MAP2K4: variants seen among roughly 807,000 people sequenced by gnomAD.
MAP2K4 encodes the protein mitogen-activated protein kinase kinase 4.
A neutral mutation model predicts 48.5 loss-of-function variants in MAP2K4; 4 were observed. The ratio of observed to expected loss-of-function variants is 0.08; its 90% CI spans 0.04 to 0.19. The LOEUF (loss-of-function observed/expected upper bound fraction) is 0.19. Ranked by LOEUF, MAP2K4 falls within the 10% of genes least tolerant of loss-of-function variation. MAP2K4 has a pLI of 1.00. For synonymous variants in MAP2K4, 166 were observed against 173.1 expected, an observed-to-expected ratio of 0.96 and a Z score of 0.32; for missense variants, 258 against 493.3, an observed-to-expected ratio of 0.52 and a Z score of 4.52.
At chr17:12,120,495 A>T (rs1972651361) in intron 7 of MAP2K4, among the ~76,000 whole-genome samples, 1 of 151,478 alleles carries the variant, frequency 6.6e-6, no homozygotes, top group African/African-American at 2.4e-5. Context: ...GAAAAAAACT[A>T]AAAAAAGTTT....
chr17:12,068,918 G>T (rs985131861), intron 2 of MAP2K4, among the ~76,000 whole-genome samples: 1 of 152,066 alleles, frequency 6.6e-6, no homozygotes, highest in African/African-American at 2.4e-5. Flanking sequence ...TAGATGAAAG[G>T]GTTGCCTAGG....
At chr17:12,107,979 G>T in intron 5 of MAP2K4, 70 bp downstream of exon 5, 1 of 1,314,764 alleles carries the variant, frequency 7.6e-7, no homozygotes. Flanking sequence ...AGTTTTGAAT[G>T]CACATATTTG....
intron 4 of MAP2K4, among the ~76,000 whole-genome samples, chr17:12,096,311 T>A (rs1241371840): frequency 6.6e-6 from 1 of 152,174 alleles, no homozygotes; most frequent in African/African-American, 2.4e-5. Flanking sequence ...TTTCTTCTTT[T>A]GGCCTCTGGT....
At chr17:12,044,954 A>T (rs2151519028) in intron 1 of MAP2K4, among the ~76,000 whole-genome samples, 1 of 152,368 alleles carries the variant, frequency 6.6e-6, no homozygotes, top group East Asian at 1.9e-4. Context: ...CACCTTGGAA[A>T]TTCCAAGAAT....
At chr17:12,101,530 A>G (rs1971934991) in intron 4 of MAP2K4, among the ~76,000 whole-genome samples, 1 of 151,980 alleles carries the variant, frequency 6.6e-6, no homozygotes, top group South Asian at 2.1e-4. Flanking sequence ...GTCGATTTCT[A>G]CCAAAAAACC....
chr17:12,114,175 T>G (rs1972402053), intron 7 of MAP2K4, among the ~76,000 whole-genome samples: 1 of 152,172 alleles, frequency 6.6e-6, no homozygotes, highest in Non-Finnish European at 1.5e-5. Flanking sequence ...TGTTCTTTCT[T>G]GGTTTCCTCC....
In MAP2K4 at chr17:12,143,075, C is replaced by T. The variant is rs557978166; in HGVS notation, c.*1815C>T. 3 of 233,048 alleles carry T rather than the reference C, an allele frequency of 1.3e-5. No homozygotes were observed. In the South Asian group the frequency reaches 5.4e-4, roughly 42 times the overall value. The allele number at this position is 233,048 out of a possible 1,614,324, so 14.4% of individuals were successfully genotyped here. A position where few individuals can be genotyped will look rare whatever the true frequency, so the allele number is the denominator to read the frequency against. On this transcript the variant is annotated 3_prime_UTR_variant, in exon 11 of 11. Transcript: ENST00000353533. The stretch of plus-strand genomic sequence containing the variant: ...TCTACTTGCCTCATTTCCCTATCTT[C>T]TCCCCCACGGTATCCTAAACTTTAG...
In MAP2K4 at chr17:12,141,825, G is replaced by A. The variant is rs546555189; in HGVS notation, c.*565G>A. 7.3e-5 allele frequency: 17 copies of A among 233,756 alleles called. No homozygotes were observed. The South Asian group carries it at 3.1e-3, about 42-fold the overall frequency. The allele number at this position is 233,756 out of a possible 1,614,324, so 14.5% of individuals were successfully genotyped here. ...CTTTACAGTTACAGTTGATGTTTGG[G>A]GATCGATGTGCTCAGCCAAATTTCC... On this transcript the variant is annotated 3_prime_UTR_variant, in exon 11 of 11. Transcript: ENST00000353533.
rs114771296 is a variant in MAP2K4, at chr17:12,071,257, A to G, written c.219-10099A>G. On this transcript the variant is annotated intron_variant, in intron 2 of 10. Coordinates refer to ENST00000353533, the MANE Select transcript of MAP2K4 (RefSeq NM_003010.4). ...CTTTTTTTTGTGTGGTGGGTGGTGT[A>G]TAGTTCACCCTACTACAGATGGTAT... Among the ~76,000 whole-genome samples the G allele has an allele frequency of 9.3e-3, 1,413 of 152,236 alleles. 19 individuals carry two copies. Among genetic ancestry groups the G allele is most frequent in the African/African-American group, 0.031 (1,277 of 41,544 alleles).
At chr17:12,076,368 T>C (rs550091757) in intron 2 of MAP2K4, among the ~76,000 whole-genome samples, 72 of 151,576 alleles carry the variant, frequency 4.8e-4, no homozygotes, top group African/African-American at 1.5e-3. Flanking sequence ...AGTAGATTAG[T>C]CTGGGTCAAT....
chr17:12,126,286 C>A (rs936777354), intron 8 of MAP2K4, among the ~76,000 whole-genome samples: 42 of 152,190 alleles, frequency 2.8e-4, no homozygotes, highest in African/African-American at 9.7e-4. Context: ...ACTTAATTTG[C>A]AACAAGCAAG....
intron 2 of MAP2K4, among the ~76,000 whole-genome samples, chr17:12,063,526 C>T (rs1351337889): frequency 6.6e-6 from 1 of 152,138 alleles, no homozygotes; most frequent in African/African-American, 2.4e-5. Context: ...AAAGCAAAAA[C>T]TCTATAAAGC....
intron 2 of MAP2K4, among the ~76,000 whole-genome samples, chr17:12,077,378 G>C (rs747565186): frequency 6.6e-6 from 1 of 152,170 alleles, no homozygotes; most frequent in Non-Finnish European, 1.5e-5. Context: ...GCTAGGGGCT[G>C]TATTAATTAA....
intron 9 of MAP2K4, among the ~76,000 whole-genome samples, chr17:12,139,337 A>C (rs1973304388): frequency 6.6e-6 from 1 of 152,248 alleles, no homozygotes; most frequent in African/African-American, 2.4e-5. Flanking sequence ...CTTTTGGACC[A>C]AAGAACATAT....
chr17:12,062,678 G>A (rs534464464), intron 2 of MAP2K4, among the ~76,000 whole-genome samples: 22 of 152,208 alleles, frequency 1.4e-4, no homozygotes, highest in African/African-American at 5.3e-4. Context: ...CAGTTTTATT[G>A]GGTATAGAAT....
At position 12,091,369 on chromosome 17, in the gene MAP2K4, GT is replaced by G. The variant is rs749955964; in HGVS notation, c.394-4202del. Among the ~76,000 whole-genome samples, 6 of 152,296 alleles carry G rather than the reference GT, an allele frequency of 3.9e-5. No homozygotes were observed. In the East Asian group the frequency reaches 9.6e-4, roughly 24 times the overall value. On this transcript the variant is annotated intron_variant, in intron 3 of 10. Transcript: ENST00000353533. ...CTGTTCACCAAGTGGATGTTGCTGT[GT>G]TTTGTGACGAGATGGAGTAGAGGAC...
chr17:12,072,344 A>G (rs1387749295), intron 2 of MAP2K4, among the ~76,000 whole-genome samples: 3 of 152,146 alleles, frequency 2.0e-5, no homozygotes, highest in African/African-American at 7.2e-5. Context: ...TATTTTCAGG[A>G]AGTTTCTTAG....
chr17:12,049,735 T>G (rs1271585041), intron 1 of MAP2K4, among the ~76,000 whole-genome samples: 2 of 152,144 alleles, frequency 1.3e-5, no homozygotes. Flanking sequence ...TATAGTATTG[T>G]GGTTAAATCA....
chr17:12,113,386 G>A (rs777611190), intron 7 of MAP2K4, 26 bp downstream of exon 7: 1 of 1,609,296 alleles, frequency 6.2e-7, no homozygotes, highest in Middle Eastern at 1.7e-4. Context: ...AGGCCTTCTT[G>A]CTTGATAGTC....
Sources: gnomAD v4.1 joint callset for allele counts (sites outside exome capture counted in the v4.1 genomes callset) on GRCh38, gnomAD v4.1.1 for gene constraint, MANE v1.5 for transcripts, NCBI Gene and HGNC (gene_info 2026-07-23, HGNC 2026-07-21) for gene names.